GALNT9: variants seen among roughly 807,000 people sequenced by gnomAD.
The protein encoded by GALNT9 is GalNAc transferase 9.
Under a neutral mutation model 63.1 loss-of-function variants are expected in GALNT9, and 47 were observed. That is an observed-to-expected ratio of 0.75 (90% confidence interval 0.59 to 0.95). The LOEUF (loss-of-function observed/expected upper bound fraction) is 0.95, where lower values mean the gene tolerates loss of function less well. Ranked by LOEUF, GALNT9 falls within the 40% of genes least tolerant of loss-of-function variation. The pLI is 0.00. For synonymous variants in GALNT9, 396 were observed against 365.7 expected (o/e 1.08, Z -0.94); for missense variants, 829 against 874.8 (o/e 0.95, Z 0.66).
In GALNT9 at chr12:132,246,387, G is replaced by A. The variant is rs1016992626; in HGVS notation, c.1077+1523C>T. Among the ~76,000 whole-genome samples, 1 of 152,132 alleles carries A rather than the reference G, an allele frequency of 6.6e-6. No homozygotes were observed. Among genetic ancestry groups the A allele is most frequent in the Non-Finnish European group, 1.5e-5 (1 of 68,026 alleles). Reference sequence around the variant, plus strand: ...ACTAGATATTTTAAAGCACTTGGTCGGGGGGATTTCTGGTATGATATCAGG... The same window carrying A: ...ACTAGATATTTTAAAGCACTTGGTCAGGGGGATTTCTGGTATGATATCAGG... On this transcript the variant is annotated intron_variant, in intron 6 of 10. Coordinates refer to ENST00000328957, the MANE Select transcript of GALNT9 (RefSeq NM_001122636.2). The surrounding 1 kb of genome is among the most constrained non-coding windows in gnomAD (Gnocchi z 4.7).
intron 1 of GALNT9, among the ~76,000 whole-genome samples, chr12:132,318,870 C>T (rs1868648209): frequency 6.6e-6 from 1 of 152,254 alleles, no homozygotes; most frequent in South Asian, 2.1e-4. Flanking sequence ...CCGCCCTCTG[C>T]CAGTGGCTGG....
intron 2 of GALNT9, among the ~76,000 whole-genome samples, chr12:132,281,906 G>A (rs1880363705): frequency 6.9e-6 from 1 of 145,318 alleles, no homozygotes; most frequent in Admixed American, 6.7e-5. Flanking sequence ...GCCAGGCCTG[G>A]GGGTCCCCGA....
At position 132,296,516 on chromosome 12, in the gene GALNT9, C is replaced by G. The variant is rs1555243262; in HGVS notation, c.239-10086G>C. The stretch of plus-strand genomic sequence containing the variant: ...CAACACTGCAAGCTTGTCATCTTAT[C>G]CTTGAATAAGATGTAATTTTGAGAA... On this transcript the variant is annotated intron_variant, in intron 1 of 10. Coordinates refer to ENST00000328957, the MANE Select transcript of GALNT9 (RefSeq NM_001122636.2). The surrounding 1 kb of genome is among the most constrained non-coding windows in gnomAD (Gnocchi z 4.2). Among the ~76,000 whole-genome samples, 2 of 152,240 alleles carry G rather than the reference C, an allele frequency of 1.3e-5. No individual in the cohort carries two copies. Among genetic ancestry groups the G allele is most frequent in the Admixed American group, 1.3e-4 (2 of 15,290 alleles).
In GALNT9 at chr12:132,252,898, A is replaced by G. The variant is rs1878977755; in HGVS notation, c.959+4791T>C. Among the ~76,000 whole-genome samples the G allele has an allele frequency of 6.6e-6, 1 of 151,454 alleles. No homozygotes were observed. Among genetic ancestry groups the G allele is most frequent in the Non-Finnish European group, 1.5e-5 (1 of 67,852 alleles). The stretch of plus-strand genomic sequence containing the variant: ...AACTGCCTCAAAAAAAAAAAAAGAC[A>G]CGGAGACCAGTAGTGGCCCCGAACG... On this transcript the variant is annotated intron_variant, in intron 5 of 10. Coordinates refer to ENST00000328957, the MANE Select transcript of GALNT9 (RefSeq NM_001122636.2). The surrounding 1 kb of genome is among the most constrained non-coding windows in gnomAD (Gnocchi z 5.2).
intron 1 of GALNT9, among the ~76,000 whole-genome samples, chr12:132,308,131 G>A (rs1444928268): frequency 1.3e-5 from 2 of 152,214 alleles, no homozygotes; most frequent in Non-Finnish European, 2.9e-5. Context: ...TGTGACGGAG[G>A]CAGAGGGTGC....
At chr12:132,272,650 A>G (rs1555240856) in intron 2 of GALNT9, 2 of 152,286 alleles carry the variant, frequency 1.3e-5, no homozygotes. Context: ...AGCACTAGTT[A>G]GCATAAAATA....
intron 1 of GALNT9, among the ~76,000 whole-genome samples, chr12:132,297,418 T>C (rs1465697074): frequency 4.8e-5 from 7 of 144,646 alleles, no homozygotes; most frequent in African/African-American, 1.8e-4. Flanking sequence ...AATAACCAAC[T>C]CACTCCTGAG....
chr12:132,281,248 G>GAGGGC (rs1880330849), intron 2 of GALNT9, among the ~76,000 whole-genome samples: 3 of 152,220 alleles, frequency 2.0e-5, no homozygotes, highest in Non-Finnish European at 2.9e-5. Context: ...GCTGTTGCAC[G>GAGGGC]TGAACAATTC....
rs545348102 is a variant in GALNT9, at chr12:132,249,343, C to T, written c.960-1316G>A. Reference sequence around the variant, plus strand: ...ACGCGTTCTTCCATAAAAACAACAGCAAAAGTTGGCCTCTGTCATAATTTA... The same window carrying T: ...ACGCGTTCTTCCATAAAAACAACAGTAAAAGTTGGCCTCTGTCATAATTTA... On this transcript the variant is annotated intron_variant, in intron 5 of 10. Coordinates refer to ENST00000328957, the MANE Select transcript of GALNT9 (RefSeq NM_001122636.2). Among the ~76,000 whole-genome samples the T allele has an allele frequency of 1.1e-3, 175 of 152,304 alleles. 1 individual carries two copies. The highest frequency in any genetic ancestry group is 4.0e-3 in the African/African-American group (165 of 41,568).
chr12:132,251,550 C>T (rs1267698276), intron 5 of GALNT9, among the ~76,000 whole-genome samples: 3 of 152,178 alleles, frequency 2.0e-5, no homozygotes, highest in South Asian at 2.1e-4. Flanking sequence ...GGGACTCCTC[C>T]GGGCCCACAC....
intron 1 of GALNT9, among the ~76,000 whole-genome samples, chr12:132,294,011 A>G (rs1555243010): frequency 6.6e-6 from 1 of 152,276 alleles, no homozygotes; most frequent in East Asian, 1.9e-4. Context: ...TGGCCGTGGA[A>G]GACCACGAGC....
At chr12:132,290,162 A>G (rs1880751700) in intron 1 of GALNT9, among the ~76,000 whole-genome samples, 1 of 152,096 alleles carries the variant, frequency 6.6e-6, no homozygotes, top group Admixed American at 6.5e-5. Context: ...TTGGTCTCTG[A>G]GCTGCCTGTG....
chr12:132,201,148 G>A lies in GALNT9; in HGVS notation c.1377C>T (p.Tyr459=). 2 of 1,613,338 alleles carry A rather than the reference G, an allele frequency of 1.2e-6. No individual in the cohort carries two copies. The highest frequency in any genetic ancestry group is 1.1e-5 in the South Asian group (1 of 90,896). ...CCTCTCCGTACGTGAGGGTGTTGTTGTAGACCCTCATCTCCGGGTACACGT... is the reference window on the plus strand; with the variant it reads ...CCTCTCCGTACGTGAGGGTGTTGTTATAGACCCTCATCTCCGGGTACACGT... ...LENVYPEMRV[Y]NNTLTYGEVR... The change falls in exon 8 of 11, where the codon TAC becomes TAT. Residue 459 remains tyrosine, a synonymous_variant. Transcript: ENST00000328957.
intron 6 of GALNT9, among the ~76,000 whole-genome samples, chr12:132,207,850 T>A (rs577679276): frequency 6.6e-6 from 1 of 152,214 alleles, no homozygotes; most frequent in South Asian, 2.1e-4. Flanking sequence ...TGAACCCCCA[T>A]GCCCTCAGCA....
intron 6 of GALNT9, among the ~76,000 whole-genome samples, chr12:132,214,835 G>A (rs1877119007): frequency 6.6e-6 from 1 of 152,244 alleles, no homozygotes; most frequent in African/African-American, 2.4e-5. Context: ...GCAGGCGGTG[G>A]CACCCTGTTC....
chr12:132,296,035 CAGAACAGGGAGAGCCTCT>C lies in GALNT9; in HGVS notation c.239-9623_239-9606del, dbSNP rs1555243207. Reference sequence around the variant, plus strand: ...GAGCCTCCGGAACAGGGAGAGCCTCCAGAACAGGGAGAGCCTCTGAACAGGGAGAGGCTCCGGAACAGG... The same window carrying C: ...GAGCCTCCGGAACAGGGAGAGCCTCCGAACAGGGAGAGGCTCCGGAACAGG... On this transcript the variant is annotated intron_variant, in intron 1 of 10. Coordinates refer to ENST00000328957, the MANE Select transcript of GALNT9 (RefSeq NM_001122636.2). This position sits in a 1 kb window ranked among gnomAD's most constrained non-coding sequence, Gnocchi z 4.2. 3.6e-5 allele frequency among the ~76,000 whole-genome samples: 5 copies of C among 139,760 alleles called. No homozygotes were observed. The highest frequency in any genetic ancestry group is 6.8e-5 in the Admixed American group (1 of 14,628). 91.7% of individuals were successfully genotyped at this position (139,760 alleles called of 152,430 possible). A position where few individuals can be genotyped will look rare whatever the true frequency, so the allele number is the denominator to read the frequency against.
At chr12:132,272,026 C>T (rs1013228802) in intron 2 of GALNT9, among the ~76,000 whole-genome samples, 2 of 152,074 alleles carry the variant, frequency 1.3e-5, no homozygotes, top group African/African-American at 4.8e-5. Flanking sequence ...AGGCTGCGCT[C>T]GAGGGCGGGG....
At position 132,238,195 on chromosome 12, in the gene GALNT9, T is replaced by C. The variant is rs2136895894; in HGVS notation, c.1077+9715A>G. On this transcript the variant is annotated intron_variant, in intron 6 of 10. Transcript: ENST00000328957. The surrounding 1 kb of genome is among the most constrained non-coding windows in gnomAD (Gnocchi z 6.5). ...GGCTAAGGACGCGGGCAGGGGCTGC[T>C]CAGGACCCAGGAGAGAGGGGAGAGA... Among the ~76,000 whole-genome samples, 152,088 of 152,268 alleles carry C rather than the reference T, an allele frequency of 1. 75,954 individuals carry two copies. The highest frequency in any genetic ancestry group is 1 in the Middle Eastern group (294 of 294).
chr12:132,201,412 G>GAC, intron 7 of GALNT9, 151 bp from the exon 8 acceptor site: 1 of 491,162 alleles, frequency 2.0e-6, no homozygotes, highest in Non-Finnish European at 3.5e-6. Context: ...ATCCAGTTGG[G>GAC]ACCCCCCAGC....
Sources: allele counts gnomAD v4.1 joint callset (sites outside exome capture counted in the v4.1 genomes callset), GRCh38; gene constraint gnomAD v4.1.1; non-coding constraint Gnocchi (gnomAD v3.1); transcripts MANE v1.5; gene names NCBI Gene and HGNC (gene_info 2026-07-23, HGNC 2026-07-21).